SPOCK1: variants seen among roughly 807,000 people sequenced by gnomAD.
SPOCK1 encodes SPARC (osteonectin), cwcv and kazal like domains proteoglycan 1.
SPOCK1 carries 23 observed loss-of-function variants against 55.3 expected under a neutral mutation model. The ratio of observed to expected loss-of-function variants is 0.42; its 90% CI spans 0.30 to 0.59. The LOEUF (loss-of-function observed/expected upper bound fraction) is 0.59. Ranked by LOEUF, SPOCK1 falls within the 20% of genes least tolerant of loss-of-function variation. SPOCK1 has a pLI of 0.22. For missense variants in SPOCK1, 499 were observed against 552.5 expected (o/e 0.90, Z 0.97); for synonymous variants, 226 against 221.0 (o/e 1.02, Z -0.20).
At chr5:137,377,942 CTTTTTTTTTTTT>C (rs3043282) in intron 2 of SPOCK1, among the ~76,000 whole-genome samples, 1 of 104,626 alleles carries the variant, frequency 9.6e-6, no homozygotes, top group Non-Finnish European at 1.8e-5. Context: ...TCACTTCTTC[CTTTTTTTTTTTT>C]TTTTTTTTTT....
intron 5 of SPOCK1, 131 bp from the exon 6 acceptor site, chr5:137,067,960 G>T: frequency 1.5e-6 from 1 of 667,348 alleles, no homozygotes; most frequent in Admixed American, 2.5e-5. Context: ...ACCTCAGGTA[G>T]AGGTCTCAAT....
At chr5:137,031,725 G>A (rs957957592) in intron 6 of SPOCK1, among the ~76,000 whole-genome samples, 8 of 152,034 alleles carry the variant, frequency 5.3e-5, no homozygotes, top group African/African-American at 1.4e-4. Flanking sequence ...TTTTTTAACG[G>A]TAGACACCAT....
chr5:137,110,352 G>A (rs115359853), intron 5 of SPOCK1, among the ~76,000 whole-genome samples: 5,925 of 152,290 alleles, frequency 0.039, 152 homozygotes, highest in Non-Finnish European at 0.054. Context: ...CATCACCTGG[G>A]AAACTGCTAG....
At chr5:137,418,778 T>A (rs1484100083) in intron 2 of SPOCK1, among the ~76,000 whole-genome samples, 3 of 152,218 alleles carry the variant, frequency 2.0e-5, no homozygotes, top group African/African-American at 7.2e-5. Context: ...GGTAGTTAAT[T>A]TTGCTGTGCA....
At chr5:137,172,962 C>T (rs766578886) in intron 3 of SPOCK1, among the ~76,000 whole-genome samples, 3 of 152,158 alleles carry the variant, frequency 2.0e-5, no homozygotes, top group Non-Finnish European at 4.4e-5. Context: ...ACAAGTGATG[C>T]ACAGGGCCTG....
rs534985376 is a variant in SPOCK1, at chr5:137,439,795, AGAT to A, written c.186+58575_186+58577del. Among the ~76,000 whole-genome samples, 278 of 152,348 alleles carry A rather than the reference AGAT, an allele frequency of 1.8e-3. 1 individual carries two copies. The highest frequency in any genetic ancestry group is 6.4e-3 in the African/African-American group (268 of 41,574). The stretch of plus-strand genomic sequence containing the variant: ...GCTGGCCATTCACTCTACAGGTGGC[AGAT>A]GATAAGCATCTTCTCTGAAGTCTGA... On this transcript the variant is annotated intron_variant, in intron 2 of 10. Coordinates refer to ENST00000394945, the MANE Select transcript of SPOCK1 (RefSeq NM_004598.4).
At chr5:137,379,557 A>C in intron 2 of SPOCK1, among the ~76,000 whole-genome samples, 1 of 110,686 alleles carries the variant, frequency 9.0e-6, no homozygotes, top group South Asian at 3.1e-4. Context: ...CCACTCCTAA[A>C]CACCCTGCAA....
intron 3 of SPOCK1, among the ~76,000 whole-genome samples, chr5:137,201,517 G>A (rs1755424468): frequency 6.6e-6 from 1 of 152,122 alleles, no homozygotes; most frequent in Non-Finnish European, 1.5e-5. Context: ...GCTGTTTGGG[G>A]AAGAATTTTA....
At chr5:137,240,965 CA>C (rs1298019177) in intron 3 of SPOCK1, among the ~76,000 whole-genome samples, 3 of 151,846 alleles carry the variant, frequency 2.0e-5, no homozygotes, top group African/African-American at 7.3e-5. Flanking sequence ...AATCAGTGGA[CA>C]AAAAAATGTA....
chr5:137,381,827 T>TCTTGGCTATTAACATTTAG (rs1417636577), intron 2 of SPOCK1, among the ~76,000 whole-genome samples: 1 of 152,224 alleles, frequency 6.6e-6, no homozygotes, highest in Non-Finnish European at 1.5e-5. Context: ...TTCTGCATTG[T>TCTTGGCTATTAACATTTAG]CTTGGCTATT....
chr5:137,346,035 G>C (rs989449225), intron 2 of SPOCK1, among the ~76,000 whole-genome samples: 1 of 152,224 alleles, frequency 6.6e-6, no homozygotes, highest in African/African-American at 2.4e-5. Context: ...AGGCCATGGG[G>C]CTGAGTAGCT....
intron 3 of SPOCK1, among the ~76,000 whole-genome samples, chr5:137,191,910 A>G (rs1217639090): frequency 6.6e-6 from 1 of 152,138 alleles, no homozygotes; most frequent in Non-Finnish European, 1.5e-5. Context: ...GAAACAAATA[A>G]TGAAAAAGTA....
rs112577075 is a variant in SPOCK1, at chr5:137,198,260, G to T, written c.233-57566C>A. ...TTGGTTTTATAAATAATGCTGCAATGAATGCATTTCTGCATATGTCCTTGT... is the reference window on the plus strand; with the variant it reads ...TTGGTTTTATAAATAATGCTGCAATTAATGCATTTCTGCATATGTCCTTGT... On this transcript the variant is annotated intron_variant, in intron 3 of 10. Coordinates refer to ENST00000394945, the MANE Select transcript of SPOCK1 (RefSeq NM_004598.4). 2.4e-3 allele frequency among the ~76,000 whole-genome samples: 365 copies of T among 152,302 alleles called. 1 individual carries two copies. The highest frequency in any genetic ancestry group is 8.3e-3 in the African/African-American group (345 of 41,574).
intron 5 of SPOCK1, among the ~76,000 whole-genome samples, chr5:137,070,171 G>A (rs1219100374): frequency 6.6e-6 from 1 of 152,214 alleles, no homozygotes; most frequent in Non-Finnish European, 1.5e-5. Context: ...TGAAAATGAT[G>A]TGCCAGATAA....
At chr5:137,436,357 C>G (rs1255841956) in intron 2 of SPOCK1, among the ~76,000 whole-genome samples, 1 of 151,740 alleles carries the variant, frequency 6.6e-6, no homozygotes, top group African/African-American at 2.4e-5. Context: ...CCATTTTTTC[C>G]AAATAGTTAA....
chr5:137,235,180 A>G (rs1327480507), intron 3 of SPOCK1, among the ~76,000 whole-genome samples: 3 of 152,184 alleles, frequency 2.0e-5, no homozygotes, highest in African/African-American at 4.8e-5. Flanking sequence ...TTGATGTAGG[A>G]TGTTGTAAGG....
At chr5:137,327,126 G>A (rs1011809940) in intron 2 of SPOCK1, among the ~76,000 whole-genome samples, 3 of 152,268 alleles carry the variant, frequency 2.0e-5, no homozygotes, top group African/African-American at 4.8e-5. Context: ...CACACACTCC[G>A]AGTCCGATTG....
intron 5 of SPOCK1, among the ~76,000 whole-genome samples, chr5:137,096,871 C>G (rs553137177): frequency 6.6e-6 from 1 of 152,290 alleles, no homozygotes; most frequent in Non-Finnish European, 1.5e-5. Flanking sequence ...GTGGAGGACG[C>G]TTGGCTGTCT....
intron 5 of SPOCK1, among the ~76,000 whole-genome samples, chr5:137,088,563 C>T (rs1446768784): frequency 2.6e-5 from 4 of 152,162 alleles, no homozygotes; most frequent in Admixed American, 1.3e-4. Context: ...TCCTGCCCCT[C>T]GTCTCACCCA....
Sources: allele counts gnomAD v4.1 joint callset (sites outside exome capture counted in the v4.1 genomes callset), GRCh38; gene constraint gnomAD v4.1.1; transcripts MANE v1.5; gene names NCBI Gene and HGNC (gene_info 2026-07-23, HGNC 2026-07-21).